RAG1: variants seen among roughly 807,000 people sequenced by gnomAD.
RAG1 encodes the protein recombination activating 1.
RAG1 carries 35 observed loss-of-function variants against 62.7 expected under a neutral mutation model. The ratio of observed to expected loss-of-function variants is 0.56; its 90% CI spans 0.43 to 0.74. The LOEUF (loss-of-function observed/expected upper bound fraction) is 0.74, where lower values mean the gene tolerates loss of function less well. Among genes scored for constraint, RAG1 ranks in the 30% least tolerant of loss-of-function variants. The pLI, the probability that RAG1 is intolerant of heterozygous loss-of-function variation, is 0.00. For missense variants in RAG1, 1,169 were observed against 1,278.6 expected, an observed-to-expected ratio of 0.91 and a Z score of 1.31; for synonymous variants, 461 against 470.3, an observed-to-expected ratio of 0.98 and a Z score of 0.26.
intron 3 of RAG1, among the ~76,000 whole-genome samples, chr11:36,550,903 C>T (rs1208527475): frequency 6.6e-6 from 1 of 152,132 alleles, no homozygotes; most frequent in African/African-American, 2.4e-5. Context: ...ACCCTGGATC[C>T]ATCACTTTAT....
chr11:36,538,028 C>T (rs1302754834), downstream of RAG1, among the ~76,000 whole-genome samples: 1 of 152,060 alleles, frequency 6.6e-6, no homozygotes, highest in African/African-American at 2.4e-5. Flanking sequence ...TTCTTCTTGG[C>T]TGATCTTCTT....
chr11:36,512,710 A>G (rs897606541), intron 1 of RAG1, among the ~76,000 whole-genome samples: 2 of 152,218 alleles, frequency 1.3e-5, no homozygotes, highest in African/African-American at 2.4e-5. Flanking sequence ...AAAGTTACCT[A>G]TATATAGCAA....
At chr11:36,560,431 A>G (rs1251333352) in intron 3 of RAG1, among the ~76,000 whole-genome samples, 1 of 152,090 alleles carries the variant, frequency 6.6e-6, no homozygotes, top group Non-Finnish European at 1.5e-5. Context: ...CTGAATCTAG[A>G]TGGAGTCTTG....
At chr11:36,528,712 G>GT (rs201031906) in intron 2 of RAG1, among the ~76,000 whole-genome samples, 2,063 of 151,808 alleles carry the variant, frequency 0.014, 32 homozygotes, top group African/African-American at 0.045. Flanking sequence ...TCCAGGAGAT[G>GT]TTTTTTTTGA....
intron 2 of RAG1, among the ~76,000 whole-genome samples, chr11:36,528,203 C>T (rs538877829): frequency 3.3e-5 from 5 of 152,122 alleles, no homozygotes; most frequent in Non-Finnish European, 7.4e-5. Flanking sequence ...CTTCTCAGCA[C>T]CACATCACAC....
At chr11:36,569,920 T>C (rs567742470) in intron 1 of RAG1, among the ~76,000 whole-genome samples, 2 of 152,340 alleles carry the variant, frequency 1.3e-5, no homozygotes, top group South Asian at 2.1e-4. Context: ...CTCTGCTTTT[T>C]CATGTGAGCA....
Position 36,575,249 on chromosome 11 carries a change from C to T in RAG1, c.1945C>T (p.Pro649Ser). The part of the protein sequence containing the change: ...QNVKVFEEAK[P>S]NSELCCKPLC... ...TGTGAAAGTATTTGAAGAAGCCAAACCTAACTCTGAACTGTGTTGCAAGCC... is the reference window on the plus strand; with the variant it reads ...TGTGAAAGTATTTGAAGAAGCCAAATCTAACTCTGAACTGTGTTGCAAGCC... Residue 649 changes from proline (P) to serine (S), a missense_variant, in exon 2 of 2, where the codon CCT becomes TCT. By Grantham distance (74) the Pro-to-Ser change is moderately conservative (BLOSUM62 -1). Transcript: ENST00000299440. This position sits in a 1 kb window ranked among gnomAD's most constrained non-coding sequence, Gnocchi z 4.1. 2 of 1,614,192 alleles carry T rather than the reference C, an allele frequency of 1.2e-6. No homozygotes were observed. The highest frequency in any genetic ancestry group is 1.7e-6 in the Non-Finnish European group (2 of 1,180,044).
upstream of RAG1, among the ~76,000 whole-genome samples, chr11:36,565,484 A>G (rs139913944): frequency 6.7e-3 from 1,028 of 152,300 alleles, 6 homozygotes; most frequent in Non-Finnish European, 0.012. Flanking sequence ...AACCACAGCT[A>G]ATCACTAGTC....
intron 1 of RAG1, among the ~76,000 whole-genome samples, chr11:36,518,225 T>A (rs1335377661): frequency 6.6e-6 from 1 of 152,158 alleles, no homozygotes; most frequent in African/African-American, 2.4e-5. Flanking sequence ...CACATTTTCT[T>A]AATCTAGTCT....
intron 2 of RAG1, among the ~76,000 whole-genome samples, chr11:36,522,674 C>T (rs1412201202): frequency 6.6e-6 from 1 of 152,188 alleles, no homozygotes; most frequent in African/African-American, 2.4e-5. Flanking sequence ...TGACAGCTTG[C>T]ACTGTTTGCC....
At chr11:36,538,217 G>T (rs2133261779), downstream of RAG1, among the ~76,000 whole-genome samples, 1 of 152,134 alleles carries the variant, frequency 6.6e-6, no homozygotes, top group Middle Eastern at 3.4e-3. Context: ...TTCTATTACT[G>T]ATCCTTGAAA....
At chr11:36,557,507 G>C (rs1017463139) in intron 3 of RAG1, among the ~76,000 whole-genome samples, 1 of 149,540 alleles carries the variant, frequency 6.7e-6, no homozygotes, top group Non-Finnish European at 1.5e-5. Context: ...TGCGCCCACT[G>C]TCTGGCACTC....
At position 36,575,275 on chromosome 11, in the gene RAG1, A is replaced by G. The variant is rs771572614; in HGVS notation, c.1971A>G (p.Pro657=). ...AKPNSELCCK[P]LCLMLADESD... The stretch of plus-strand genomic sequence containing the variant: ...CTAACTCTGAACTGTGTTGCAAGCC[A>G]TTGTGCCTTATGCTGGCAGATGAGT... Residue 657 remains proline, a synonymous_variant, in exon 2 of 2, where the codon CCA becomes CCG. Transcript: ENST00000299440. This position sits in a 1 kb window ranked among gnomAD's most constrained non-coding sequence, Gnocchi z 4.1. 1 of 1,614,220 alleles carries G rather than the reference A, an allele frequency of 6.2e-7. No homozygotes were observed. The highest frequency in any genetic ancestry group is 8.5e-7 in the Non-Finnish European group (1 of 1,180,026).
intron 2 of RAG1, among the ~76,000 whole-genome samples, chr11:36,523,167 T>C (rs1015381873): frequency 6.6e-6 from 1 of 152,228 alleles, no homozygotes; most frequent in African/African-American, 2.4e-5. Flanking sequence ...TGGAATGATA[T>C]GATTTGGCTC....
At chr11:36,527,087 A>G (rs1311610386) in intron 2 of RAG1, among the ~76,000 whole-genome samples, 2 of 152,152 alleles carry the variant, frequency 1.3e-5, no homozygotes, top group Non-Finnish European at 2.9e-5. Flanking sequence ...CTTTAGTTTA[A>G]TTAGATCCCA....
In RAG1 at chr11:36,575,618, G is replaced by C; in HGVS notation, c.2314G>C (p.Val772Leu). The C allele has an allele frequency of 6.2e-7, 1 of 1,614,246 alleles. No homozygotes were observed. The highest frequency in any genetic ancestry group is 8.5e-7 in the Non-Finnish European group (1 of 1,180,050). The change falls in exon 2 of 2, where the codon GTG becomes CTG. Residue 772 changes from valine (V) to leucine (L), a missense_variant. By Grantham distance (32) the Val-to-Leu change is conservative. This residue lies in a region of RAG1 where 800 missense variants were observed against 943.3 expected (regional missense o/e 0.85). Coordinates refer to ENST00000299440, the MANE Select transcript of RAG1 (RefSeq NM_000448.3). This position sits in a 1 kb window ranked among gnomAD's most constrained non-coding sequence, Gnocchi z 4.1. ...GCGTTCCAACCCTTACCATGAGTCT[G>C]TGGAAGAACTGCGGGATCGGGTGAA... The part of the protein sequence containing the change: ...VWRSNPYHES[V>L]EELRDRVKGV...
chr11:36,521,247 C>A (rs1294028790), intron 2 of RAG1, among the ~76,000 whole-genome samples: 1 of 152,196 alleles, frequency 6.6e-6, no homozygotes, highest in South Asian at 2.1e-4. Flanking sequence ...GCTTGAGCCA[C>A]TGCGCCTGGC....
In RAG1 at chr11:36,573,559, TAA is replaced by T. The variant is rs772962160; in HGVS notation, c.256_257del (p.Lys86ValfsTer33). On this transcript the variant is annotated frameshift_variant, in exon 2 of 2. Transcript: ENST00000299440. LOFTEE classifies it high-confidence loss of function. ...CTCAGCCATTGTTAAAAGCCCACCC[TAA>T]GTTTTCAAAGAAATTTCACGACAAC... is the stretch of plus-strand genomic sequence containing the variant. Reference protein sequence around the residue: ...PTQPLLKAHPKFSKKFHDNEK... With the variant: ...PTQPLLKAHPXFSKKFHDNEK... 80 of 1,614,028 alleles carry T rather than the reference TAA, an allele frequency of 5.0e-5. No homozygotes were observed. Among genetic ancestry groups the T allele is most frequent in the Non-Finnish European group, 6.5e-5 (77 of 1,180,044 alleles).
At chr11:36,565,501 G>T (rs891468007), upstream of RAG1, among the ~76,000 whole-genome samples, 5 of 152,210 alleles carry the variant, frequency 3.3e-5, no homozygotes, top group South Asian at 1.0e-3. Flanking sequence ...AGTCTGGGAG[G>T]TCTGCGCTCA....
Sources: allele counts gnomAD v4.1 joint callset (sites outside exome capture counted in the v4.1 genomes callset), GRCh38; gene constraint gnomAD v4.1.1; regional missense constraint gnomAD v4.1.1; non-coding constraint Gnocchi (gnomAD v3.1); transcripts MANE v1.5; gene names NCBI Gene and HGNC (gene_info 2026-07-23, HGNC 2026-07-21).